The following ANTXR1 variants were observed in gnomAD, a reference collection of about 807,000 sequenced individuals.
The protein encoded by ANTXR1 is ANTXR cell adhesion molecule 1.
Under a neutral mutation model 78.1 loss-of-function variants are expected in ANTXR1, and 19 were observed. The ratio of observed to expected loss-of-function variants is 0.24; its 90% CI spans 0.17 to 0.36. The LOEUF (loss-of-function observed/expected upper bound fraction) is 0.36. Ranked by LOEUF, ANTXR1 falls within the 10% of genes least tolerant of loss-of-function variation. The probability of loss-of-function intolerance (pLI) is 1.00; values close to 1 mark genes in which losing one functional copy is unlikely to be tolerated. For synonymous variants in ANTXR1, 273 were observed against 260.5 expected (o/e 1.05, Z -0.46); for missense variants, 518 against 718.6 (o/e 0.72, Z 3.19).
At chr2:69,022,049 C>T (rs946113162) in intron 1 of ANTXR1, among the ~76,000 whole-genome samples, 1 of 152,146 alleles carries the variant, frequency 6.6e-6, no homozygotes. Context: ...GACATGCTCT[C>T]CTGCCACCTA....
Position 69,091,995 on chromosome 2 carries a change from T to C in ANTXR1, c.703+1076T>C, listed in dbSNP as rs372656915. On this transcript the variant is annotated intron_variant, in intron 9 of 17. Coordinates refer to ENST00000303714, the MANE Select transcript of ANTXR1 (RefSeq NM_032208.3). ...AAAGTATTCTTAAGTGCCTGCTGCA[T>C]GCCAGGCACTGTGCTAGGTGCTGGA... Among the ~76,000 whole-genome samples the C allele has an allele frequency of 2.5e-4, 38 of 152,366 alleles. No individual in the cohort carries two copies. The South Asian group carries it at 7.9e-3, about 32-fold the overall frequency.
At chr2:69,093,346 A>G (rs112716326) in intron 9 of ANTXR1, among the ~76,000 whole-genome samples, 190 of 152,254 alleles carry the variant, frequency 1.2e-3, no homozygotes, top group Non-Finnish European at 2.2e-3. Context: ...ATAGACAAAG[A>G]TAGAGTAAGA....
chr2:69,064,421 AT>A, intron 3 of ANTXR1, among the ~76,000 whole-genome samples: 1 of 152,110 alleles, frequency 6.6e-6, no homozygotes, highest in South Asian at 2.1e-4. Context: ...AAACTCCAAT[AT>A]TCTTGTGCTA....
intron 17 of ANTXR1, among the ~76,000 whole-genome samples, chr2:69,228,856 C>G (rs923332848): frequency 3.9e-5 from 6 of 152,158 alleles, no homozygotes; most frequent in African/African-American, 1.4e-4. Context: ...TGTGCTCAGG[C>G]TGCCATAACA....
chr2:69,097,452 C>T (rs957057596), intron 9 of ANTXR1, among the ~76,000 whole-genome samples: 5 of 152,180 alleles, frequency 3.3e-5, no homozygotes, highest in Non-Finnish European at 5.9e-5. Context: ...TTGGAAATTT[C>T]GATGTTTAAA....
At chr2:69,035,005 C>G (rs1671638694) in intron 1 of ANTXR1, among the ~76,000 whole-genome samples, 1 of 152,166 alleles carries the variant, frequency 6.6e-6, no homozygotes, top group African/African-American at 2.4e-5. Context: ...CTGAACTACC[C>G]TGAGTCAGTT....
chr2:69,137,392 G>A (rs1019567549), intron 12 of ANTXR1, among the ~76,000 whole-genome samples: 2 of 152,086 alleles, frequency 1.3e-5, no homozygotes, highest in Non-Finnish European at 2.9e-5. Flanking sequence ...AAGGCATATG[G>A]CCTAAGAACC....
In ANTXR1 at chr2:69,071,709, C is replaced by G. The variant is rs138907950; in HGVS notation, c.379-45C>G. 1.9e-4 allele frequency: 307 copies of G among 1,606,056 alleles called. 2 individuals carry two copies. In the African/African-American group the frequency reaches 3.6e-3, roughly 19 times the overall value. ...TTATCCACTATGGTTTTTGGAGTGA[C>G]AAACAGTGGTTATAAGTCTAAGGGC... is the stretch of plus-strand genomic sequence containing the variant. On this transcript the variant is annotated intron_variant, in intron 4 of 17. Coordinates refer to ENST00000303714, the MANE Select transcript of ANTXR1 (RefSeq NM_032208.3).
chr2:69,136,097 T>C (rs1672903207), intron 12 of ANTXR1, among the ~76,000 whole-genome samples: 1 of 152,184 alleles, frequency 6.6e-6, no homozygotes, highest in South Asian at 2.1e-4. Flanking sequence ...TTTTCCCTAA[T>C]AGCTCATAAA....
At position 69,245,452 on chromosome 2, in the gene ANTXR1, T is replaced by C. The variant is rs540071487; in HGVS notation, c.1662T>C (p.Pro554=). 6.7e-7 allele frequency: 1 copy of C among 1,498,272 alleles called. No individual in the cohort carries two copies. The highest frequency in any genetic ancestry group is 1.5e-5 in the African/African-American group (1 of 68,250). The allele number at this position is 1,498,272 out of a possible 1,614,324, so 92.8% of individuals were successfully genotyped here. The change falls in exon 18 of 18, where the codon CCT becomes CCC. Residue 554 remains proline, a synonymous_variant. Transcript: ENST00000303714. ...PQAPPPNRAP[P]PSRPPPRPSV is the part of the protein sequence containing the mutation. ...CTCCACCTCCCAACAGGGCACCTCC[T>C]CCCTCCCGCCCTCCTCCAAGGCCTT...
intron 9 of ANTXR1, among the ~76,000 whole-genome samples, chr2:69,099,833 C>G (rs1385953492): frequency 1.3e-5 from 2 of 152,208 alleles, no homozygotes; most frequent in Non-Finnish European, 2.9e-5. Flanking sequence ...TATTCAATCA[C>G]TCAATGAGCT....
At chr2:69,026,719 G>T (rs1405765824) in intron 1 of ANTXR1, among the ~76,000 whole-genome samples, 1 of 152,198 alleles carries the variant, frequency 6.6e-6, no homozygotes, top group Non-Finnish European at 1.5e-5. Flanking sequence ...AAAAATTAAT[G>T]AGCTGAGGGG....
At chr2:69,194,434 C>G (rs1573968492) in intron 17 of ANTXR1, among the ~76,000 whole-genome samples, 2 of 152,218 alleles carry the variant, frequency 1.3e-5, no homozygotes, top group South Asian at 4.1e-4. Flanking sequence ...TGGAAAGCTC[C>G]AGGCAAATCA....
intron 17 of ANTXR1, among the ~76,000 whole-genome samples, chr2:69,214,900 G>A (rs1362665170): frequency 2.6e-5 from 4 of 152,130 alleles, no homozygotes; most frequent in Non-Finnish European, 5.9e-5. Context: ...TGCTTGTGGT[G>A]CTTTCATAGC....
intron 1 of ANTXR1, among the ~76,000 whole-genome samples, chr2:69,038,199 C>G (rs774274213): frequency 3.3e-5 from 5 of 152,150 alleles, no homozygotes; most frequent in Non-Finnish European, 7.3e-5. Context: ...TTCTGTCTTC[C>G]TCACTCATCT....
chr2:69,125,765 C>G (rs530199405), intron 12 of ANTXR1, among the ~76,000 whole-genome samples: 1 of 151,900 alleles, frequency 6.6e-6, no homozygotes, highest in African/African-American at 2.4e-5. Context: ...GGCTTGAGCC[C>G]GAGAGGTGGA....
chr2:69,149,644 A>G (rs894443020), intron 12 of ANTXR1, among the ~76,000 whole-genome samples: 1 of 152,230 alleles, frequency 6.6e-6, no homozygotes, highest in Non-Finnish European at 1.5e-5. Context: ...ACATAGATTT[A>G]TGATCTGAAA....
chr2:69,166,507 T>C (rs923771301), intron 13 of ANTXR1, among the ~76,000 whole-genome samples: 1 of 152,216 alleles, frequency 6.6e-6, no homozygotes, highest in Non-Finnish European at 1.5e-5. Context: ...AATGGTCACT[T>C]TCTGCTTCTC....
At chr2:69,163,647 A>T (rs148065277) in intron 13 of ANTXR1, among the ~76,000 whole-genome samples, 46 of 152,328 alleles carry the variant, frequency 3.0e-4, no homozygotes, top group Non-Finnish European at 5.0e-4. Context: ...TCCTATTGAC[A>T]GTGCTATGTA....
Sources: allele counts gnomAD v4.1 joint callset (sites outside exome capture counted in the v4.1 genomes callset), GRCh38; gene constraint gnomAD v4.1.1; transcripts MANE v1.5; gene names NCBI Gene and HGNC (gene_info 2026-07-23, HGNC 2026-07-21).